Variants in CCNB1IP1 observed in about 807,000 individuals in gnomAD.
The protein encoded by CCNB1IP1 is E3 ubiquitin-protein ligase CCNB1IP1.
Under a neutral mutation model 25.6 loss-of-function variants are expected in CCNB1IP1, and 14 were observed. The observed-to-expected ratio is 0.55, with a 90% CI of 0.36 to 0.85. The LOEUF (loss-of-function observed/expected upper bound fraction) is 0.85. Ranked by LOEUF, CCNB1IP1 falls within the 40% of genes least tolerant of loss-of-function variation. The pLI is 0.01. For missense variants in CCNB1IP1, 278 were observed against 342.4 expected (o/e 0.81, Z 1.48); for synonymous variants, 119 against 116.1 (o/e 1.02, Z -0.16).
Position 20,315,209 on chromosome 14 carries a change from G to A in CCNB1IP1, c.297+1018C>T, listed in dbSNP as rs555855451. Among the ~76,000 whole-genome samples the A allele has an allele frequency of 4.7e-5, 6 of 127,068 alleles. No homozygotes were observed. The South Asian group carries it at 1.6e-3, about 33-fold the overall frequency. 83.4% of individuals were successfully genotyped at this position (127,068 alleles called of 152,430 possible). A position where few individuals can be genotyped will look rare whatever the true frequency, so the allele number is the denominator to read the frequency against. ...AGATGCTCCACATCATATGTCATCA[G>A]AGACATGCAAATTAAAATGAGACAC... is the stretch of plus-strand genomic sequence containing the variant. On this transcript the variant is annotated intron_variant, in intron 5 of 6. Transcript: ENST00000358932.
intron 4 of CCNB1IP1, chr14:20,317,899 G>A (rs945378475): frequency 1.3e-5 from 2 of 152,284 alleles, no homozygotes; most frequent in Non-Finnish European, 2.9e-5. Flanking sequence ...AACTACGCCA[G>A]AGCGCGCATG....
chr14:20,314,400 G>T (rs1475072978), intron 5 of CCNB1IP1: 1 of 152,188 alleles, frequency 6.6e-6, no homozygotes, highest in African/African-American at 2.4e-5. Flanking sequence ...CCAATAGCCA[G>T]CAAAAAATTG....
intron 4 of CCNB1IP1, among the ~76,000 whole-genome samples, chr14:20,319,505 A>C (rs1882825596): frequency 6.6e-6 from 1 of 152,230 alleles, no homozygotes; most frequent in African/African-American, 2.4e-5. Context: ...AAAATATTCT[A>C]ATTTGACTAG....
At position 20,316,452 on chromosome 14, in the gene CCNB1IP1, C is replaced by T. The variant is rs1395809109; in HGVS notation, c.72G>A (p.Trp24Ter). 1.2e-6 allele frequency: 2 copies of T among 1,613,682 alleles called. No homozygotes were observed. Among genetic ancestry groups the T allele is most frequent in the Admixed American group, 1.7e-5 (1 of 60,000 alleles). Reference sequence around the variant, plus strand: ...AGAAGATGTGAGAGCAGGCAGTGACCCATGCATAGCCAGAGAGTTTGATGC... The same window carrying T: ...AGAAGATGTGAGAGCAGGCAGTGACTCATGCATAGCCAGAGAGTTTGATGC... ...KCRIKLSGYA[W>*]VTACSHIFCD... Residue 24 changes from tryptophan to a stop codon, truncating the protein, a stop_gained, in exon 5 of 7, where the codon TGG becomes TGA. Transcript: ENST00000358932. LOFTEE classifies it high-confidence loss of function.
chr14:20,314,144 C>T (rs1029574701), intron 5 of CCNB1IP1: 2 of 179,780 alleles, frequency 1.1e-5, no homozygotes, highest in Admixed American at 5.7e-5. Flanking sequence ...AGAATAGACT[C>T]TAAGACAACC....
intron 2 of CCNB1IP1, among the ~76,000 whole-genome samples, chr14:20,327,857 CAA>C (rs1307330059): frequency 1.3e-5 from 2 of 152,048 alleles, no homozygotes; most frequent in Non-Finnish European, 2.9e-5. Flanking sequence ...CTTCATGAAG[CAA>C]AAAGAGTGGG....
chr14:20,313,231 A>C (rs1468630654), intron 6 of CCNB1IP1, among the ~76,000 whole-genome samples: 1 of 152,238 alleles, frequency 6.6e-6, no homozygotes, highest in Non-Finnish European at 1.5e-5. Context: ...AGCAATGTGC[A>C]AACTTTCATT....
intron 2 of CCNB1IP1, among the ~76,000 whole-genome samples, chr14:20,328,207 C>G (rs1375068074): frequency 6.6e-6 from 1 of 152,152 alleles, no homozygotes; most frequent in Non-Finnish European, 1.5e-5. Flanking sequence ...CTAAGGTCAC[C>G]TAACTAGTAA....
intron 4 of CCNB1IP1, among the ~76,000 whole-genome samples, chr14:20,319,659 A>C (rs1258496137): frequency 1.3e-5 from 2 of 152,218 alleles, no homozygotes; most frequent in Non-Finnish European, 1.5e-5. Flanking sequence ...CCATTCTTCT[A>C]ATAGACATTG....
chr14:20,315,198 A>G (rs4451865), intron 5 of CCNB1IP1, among the ~76,000 whole-genome samples: 61,532 of 144,852 alleles, frequency 0.42, 14,181 homozygotes, highest in Non-Finnish European at 0.5. Context: ...GCTCCACATC[A>G]TATGTCATCA....
chr14:20,330,119 CAAAAAA>C (rs1045039647), intron 1 of CCNB1IP1, among the ~76,000 whole-genome samples: 6 of 80,082 alleles, frequency 7.5e-5, no homozygotes, highest in East Asian at 3.5e-4. Context: ...AAAAAAAAAA[CAAAAAA>C]CATGTCCTTT....
At chr14:20,321,481 C>G (rs1882893790) in intron 4 of CCNB1IP1, among the ~76,000 whole-genome samples, 1 of 149,624 alleles carries the variant, frequency 6.7e-6, no homozygotes, top group Non-Finnish European at 1.5e-5. Flanking sequence ...GAGACGGAGT[C>G]TTGCTCTGTC....
At chr14:20,318,832 G>A (rs1173834166) in intron 4 of CCNB1IP1, among the ~76,000 whole-genome samples, 2 of 152,078 alleles carry the variant, frequency 1.3e-5, no homozygotes, top group Non-Finnish European at 2.9e-5. Flanking sequence ...ACGCGATCTC[G>A]GCTCACTGCA....
At chr14:20,329,894 A>C (rs1883182660) in intron 1 of CCNB1IP1, among the ~76,000 whole-genome samples, 1 of 151,582 alleles carries the variant, frequency 6.6e-6, no homozygotes, top group Non-Finnish European at 1.5e-5. Flanking sequence ...AACTTCTCTA[A>C]ACTTCAGCTG....
At chr14:20,326,567 T>C (rs765187845) in intron 3 of CCNB1IP1, 149 bp downstream of exon 3, 1 of 529,930 alleles carries the variant, frequency 1.9e-6, no homozygotes, top group Non-Finnish European at 3.9e-6. Flanking sequence ...TGGCTCCTCA[T>C]CCCTAAACAG....
In CCNB1IP1 at chr14:20,316,435, T is replaced by A. The variant is rs1480690465; in HGVS notation, c.89A>T (p.His30Leu). 1 of 1,613,940 alleles carries A rather than the reference T, an allele frequency of 6.2e-7. No individual in the cohort carries two copies. Among genetic ancestry groups the A allele is most frequent in the Non-Finnish European group, 8.5e-7 (1 of 1,179,946 alleles). ...ACTGCCATGCTGATCACAGAAGATGTGAGAGCAGGCAGTGACCCATGCATA... is the reference window on the plus strand; with the variant it reads ...ACTGCCATGCTGATCACAGAAGATGAGAGAGCAGGCAGTGACCCATGCATA... ...SGYAWVTACSHIFCDQHGSGE... is the reference protein window; with the variant it reads ...SGYAWVTACSLIFCDQHGSGE... Residue 30 changes from histidine to leucine, a missense_variant, in exon 5 of 7, where the codon CAC becomes CTC. His to Leu is a moderately conservative substitution (Grantham distance 99). Coordinates refer to ENST00000358932, the MANE Select transcript of CCNB1IP1 (RefSeq NM_021178.5).
chr14:20,331,881 ACT>A (rs1883243814), intron 1 of CCNB1IP1, among the ~76,000 whole-genome samples: 1 of 142,308 alleles, frequency 7.0e-6, no homozygotes, highest in African/African-American at 2.5e-5. Flanking sequence ...TCTTAGTAAC[ACT>A]GTTATGAGGG....
intron 5 of CCNB1IP1, among the ~76,000 whole-genome samples, 184 bp from the exon 6 acceptor site, chr14:20,313,985 T>C (rs1174746918): frequency 6.6e-6 from 1 of 152,222 alleles, no homozygotes; most frequent in African/African-American, 2.4e-5. Flanking sequence ...GTTATGTTAC[T>C]AAATGCATAG....
rs768612755 is a variant in CCNB1IP1, at chr14:20,311,524, C to T, written c.*26G>A. ...CCTCAACCTCCTAAGTAGCTGGGAT[C>T]ACAGGTGCGTGACACTATGCGTGGC... On this transcript the variant is annotated 3_prime_UTR_variant, in exon 7 of 7. Transcript: ENST00000358932. The T allele has an allele frequency of 6.3e-7, 1 of 1,599,572 alleles. No homozygotes were observed. Among genetic ancestry groups the T allele is most frequent in the Non-Finnish European group, 8.6e-7 (1 of 1,168,722 alleles).
Sources: allele counts gnomAD v4.1 joint callset (sites outside exome capture counted in the v4.1 genomes callset), GRCh38; gene constraint gnomAD v4.1.1; transcripts MANE v1.5; gene names NCBI Gene and HGNC (gene_info 2026-07-23, HGNC 2026-07-21).